Variants in CEBPE observed in about 807,000 individuals in gnomAD.
The protein encoded by CEBPE is CCAAT enhancer binding protein epsilon, also known as CCAAT/enhancer-binding protein epsilon.
CEBPE carries 10 observed loss-of-function variants against 20.4 expected under a neutral mutation model. The ratio of observed to expected loss-of-function variants is 0.49; its 90% CI spans 0.30 to 0.83. The LOEUF (loss-of-function observed/expected upper bound fraction) is 0.83. Ranked by LOEUF, CEBPE falls within the 40% of genes least tolerant of loss-of-function variation. The pLI, the probability that CEBPE is intolerant of heterozygous loss-of-function variation, is 0.06. For missense variants in CEBPE, 389 were observed against 383.3 expected, an observed-to-expected ratio of 1.01 and a Z score of -0.12; for synonymous variants, 179 against 162.6, an observed-to-expected ratio of 1.10 and a Z score of -0.77.
Position 23,118,318 on chromosome 14 carries a change from A to G in CEBPE, c.510+264T>C, listed in dbSNP as rs964437158. ...AACAAGAGGAGGGGGCATGGTGAGC[A>G]GCAGAGAGGCTGGCGGTGGGGGCCT... On this transcript the variant is annotated intron_variant, in intron 1 of 1. Coordinates refer to ENST00000206513, the MANE Select transcript of CEBPE (RefSeq NM_001805.4). The surrounding 1 kb of genome is among the most constrained non-coding windows in gnomAD (Gnocchi z 5.5). Among the ~76,000 whole-genome samples the G allele has an allele frequency of 2.0e-5, 3 of 151,932 alleles. No homozygotes were observed. Among genetic ancestry groups the G allele is most frequent in the Non-Finnish European group, 4.4e-5 (3 of 67,960 alleles).
rs200738630 is a variant in CEBPE at position 23,119,037 on chromosome 14, C to T, written c.55G>A (p.Glu19Lys). 13 of 1,612,638 alleles carry T rather than the reference C, an allele frequency of 8.1e-6. No individual in the cohort carries two copies. The highest frequency in any genetic ancestry group is 5.5e-5 in the South Asian group (5 of 91,084). The change falls in exon 1 of 2, where the codon GAG becomes AAG. Residue 19 changes from glutamate (E) to lysine (K), a missense_variant. By Grantham distance (56) the Glu-to-Lys change is moderately conservative. This residue lies in a region of CEBPE where 294 missense variants were observed against 279.7 expected (regional missense o/e 1.05). Coordinates refer to ENST00000206513, the MANE Select transcript of CEBPE (RefSeq NM_001805.4). ...CEPRGGQQPL[E>K]FSGGRAGPGE... ...GGCCCAGCTCGGCCCCCTGAGAACTCGAGTGGCTGCTGGCCACCCCGGGGC... is the reference window on the plus strand; with the variant it reads ...GGCCCAGCTCGGCCCCCTGAGAACTTGAGTGGCTGCTGGCCACCCCGGGGC...
Position 23,118,729 on chromosome 14 carries a change from C to T in CEBPE, c.363G>A (p.Lys121=). The change falls in exon 1 of 2, where the codon AAG becomes AAA. Residue 121 remains lysine (K), a synonymous_variant. Coordinates refer to ENST00000206513, the MANE Select transcript of CEBPE (RefSeq NM_001805.4). The surrounding 1 kb of genome is among the most constrained non-coding windows in gnomAD (Gnocchi z 5.5). ...GSYDPRAVAV[K]EEPRGPEGSR... is the part of the protein sequence containing the mutation. Reference sequence around the variant, plus strand: ...TGCCCTCTGGCCCCCGGGGCTCCTCCTTCACCGCCACAGCCCTGGGGTCGT... The same window carrying T: ...TGCCCTCTGGCCCCCGGGGCTCCTCTTTCACCGCCACAGCCCTGGGGTCGT... The T allele has an allele frequency of 6.2e-7, 1 of 1,613,582 alleles. No individual in the cohort carries two copies. The highest frequency in any genetic ancestry group is 8.5e-7 in the Non-Finnish European group (1 of 1,179,886).
In CEBPE at chr14:23,117,410, T is replaced by C. The variant is rs1437395597; in HGVS notation, c.*77A>G. ...ATCCATGGTCTATGTCTCAGGGTTC[T>C]AGGCCCCCAGCAGGATGGGGGTCCG... is the stretch of plus-strand genomic sequence containing the variant. On this transcript the variant is annotated 3_prime_UTR_variant, in exon 2 of 2. Coordinates refer to ENST00000206513, the MANE Select transcript of CEBPE (RefSeq NM_001805.4). 1 of 1,465,628 alleles carries C rather than the reference T, an allele frequency of 6.8e-7. No individual in the cohort carries two copies. Among genetic ancestry groups the C allele is most frequent in the Non-Finnish European group, 9.3e-7 (1 of 1,076,176 alleles). 90.8% of individuals were successfully genotyped at this position (1,465,628 alleles called of 1,614,324 possible).
Position 23,118,285 on chromosome 14 carries a change from G to C in CEBPE, c.510+297C>G, listed in dbSNP as rs1269890005. 3.3e-5 allele frequency among the ~76,000 whole-genome samples: 5 copies of C among 152,082 alleles called. No individual in the cohort carries two copies. Among genetic ancestry groups the C allele is most frequent in the Non-Finnish European group, 7.4e-5 (5 of 68,004 alleles). On this transcript the variant is annotated intron_variant, in intron 1 of 1. Transcript: ENST00000206513. The surrounding 1 kb of genome is among the most constrained non-coding windows in gnomAD (Gnocchi z 5.5). ...GTAGACATTTCTCACAGAAGCAGGC[G>C]GCAGAGAAACAAGAGGAGGGGGCAT...
Position 23,118,735 on chromosome 14 carries a change from C to G in CEBPE, c.357G>C (p.Ala119=), listed in dbSNP as rs202220573. Residue 119 remains alanine (A), a synonymous_variant, in exon 1 of 2, where the codon GCG becomes GCC. Transcript: ENST00000206513. The surrounding 1 kb of genome is among the most constrained non-coding windows in gnomAD (Gnocchi z 5.5). ...CTGGCCCCCGGGGCTCCTCCTTCAC[C>G]GCCACAGCCCTGGGGTCGTAGCTCC... is the stretch of plus-strand genomic sequence containing the variant. ...SPGSYDPRAV[A]VKEEPRGPEG... 6.2e-7 allele frequency: 1 copy of G among 1,613,378 alleles called. No homozygotes were observed. Among genetic ancestry groups the G allele is most frequent in the South Asian group, 1.1e-5 (1 of 91,036 alleles).
At position 23,118,509 on chromosome 14, in the gene CEBPE, C is replaced by T. The variant is rs556652894; in HGVS notation, c.510+73G>A. 22 of 1,511,294 alleles carry T rather than the reference C, an allele frequency of 1.5e-5. No homozygotes were observed. The highest frequency in any genetic ancestry group is 8.1e-5 in the Admixed American group (4 of 49,224). The allele number at this position is 1,511,294 out of a possible 1,614,324, so 93.6% of individuals were successfully genotyped here. A position where few individuals can be genotyped will look rare whatever the true frequency, so the allele number is the denominator to read the frequency against. On this transcript the variant is annotated intron_variant, in intron 1 of 1. Transcript: ENST00000206513. The surrounding 1 kb of genome is among the most constrained non-coding windows in gnomAD (Gnocchi z 5.5). ...CAAGCACAGGCTCAGCAGCATGAGCCGGGGCACAGGGTCCTGTCCACACCA... is the reference window on the plus strand; with the variant it reads ...CAAGCACAGGCTCAGCAGCATGAGCTGGGGCACAGGGTCCTGTCCACACCA...
chr14:23,118,495 T>G lies in CEBPE; in HGVS notation c.510+87A>C. On this transcript the variant is annotated intron_variant, in intron 1 of 1. Coordinates refer to ENST00000206513, the MANE Select transcript of CEBPE (RefSeq NM_001805.4). The surrounding 1 kb of genome is among the most constrained non-coding windows in gnomAD (Gnocchi z 5.5). Reference sequence around the variant, plus strand: ...TCACAGAGCGACACCAAGCACAGGCTCAGCAGCATGAGCCGGGGCACAGGG... The same window carrying G: ...TCACAGAGCGACACCAAGCACAGGCGCAGCAGCATGAGCCGGGGCACAGGG... 6.7e-7 allele frequency: 1 copy of G among 1,482,716 alleles called. No individual in the cohort carries two copies. The highest frequency in any genetic ancestry group is 9.0e-7 in the Non-Finnish European group (1 of 1,110,746). The allele number at this position is 1,482,716 out of a possible 1,614,324, so 91.8% of individuals were successfully genotyped here. A position where few individuals can be genotyped will look rare whatever the true frequency, so the allele number is the denominator to read the frequency against.
Position 23,119,232 on chromosome 14 carries a change from C to T in CEBPE, c.-141G>A. The T allele has an allele frequency of 1.6e-6, 1 of 638,596 alleles. No individual in the cohort carries two copies. Among genetic ancestry groups the T allele is most frequent in the Non-Finnish European group, 2.7e-6 (1 of 363,750 alleles). The allele number at this position is 638,596 out of a possible 1,614,324, so 39.6% of individuals were successfully genotyped here. The stretch of plus-strand genomic sequence containing the variant: ...CTGCCCTAGACCTGCCCTCTGCAGT[C>T]TCCTCTGTCACCCACTCCTGTGTGG... On this transcript the variant is annotated 5_prime_UTR_variant, in exon 1 of 2. Transcript: ENST00000206513.
Position 23,118,704 on chromosome 14 carries a change from T to C in CEBPE, c.388A>G (p.Ser130Gly). 1.2e-6 allele frequency: 2 copies of C among 1,613,412 alleles called. No homozygotes were observed. Among genetic ancestry groups the C allele is most frequent in the South Asian group, 2.2e-5 (2 of 91,062 alleles). ...VKEEPRGPEG[S>G]RAASRGSYNP... ...TAGCTGCCTCGGCTGGCAGCTCGGC[T>C]GCCCTCTGGCCCCCGGGGCTCCTCC... is the stretch of plus-strand genomic sequence containing the variant. Residue 130 changes from serine to glycine, a missense_variant, in exon 1 of 2, where the codon AGC becomes GGC. Transcript: ENST00000206513. This position sits in a 1 kb window ranked among gnomAD's most constrained non-coding sequence, Gnocchi z 5.5.
rs372854243 is a variant in CEBPE, at chr14:23,117,775, C to T, written c.558G>A (p.Ala186=). 2.3e-4 allele frequency: 363 copies of T among 1,611,988 alleles called. No homozygotes were observed. The highest frequency in any genetic ancestry group is 1.9e-4 in the Non-Finnish European group (224 of 1,179,416). ...TGTGTAAGGGGCCAGCCGGGGAGGG[C>T]GCCTTCAGGAGGGGACTGCAGGGGG... The part of the protein sequence containing the change: ...AAPPCSPLLK[A]PSPAGPLHKG... Residue 186 remains alanine (A), a synonymous_variant, in exon 2 of 2, where the codon GCG becomes GCA. Transcript: ENST00000206513.
rs1433326745 is a variant in CEBPE, at chr14:23,117,531, GAA to G, written c.800_801del (p.Ile267ThrfsTer2). The G allele has an allele frequency of 1.2e-6, 2 of 1,613,842 alleles. No individual in the cohort carries two copies. The highest frequency in any genetic ancestry group is 1.7e-6 in the Non-Finnish European group (2 of 1,179,996). On this transcript the variant is annotated frameshift_variant, in exon 2 of 2. Transcript: ENST00000206513. LOFTEE classifies it high-confidence loss of function. ...CCCTTGATGAGGTTGGCCGCCTCAG[GAA>G]TCTGGCGGAAGAGGTTGCGGAGGGT... Reference protein sequence around the residue: ...LDTLRNLFRQIPEAANLIKGV... With the variant: ...LDTLRNLFRQXPEAANLIKGV...
At chr14:23,117,979 C>T (rs1278446758) in intron 1 of CEBPE, among the ~76,000 whole-genome samples, 157 bp from the exon 2 acceptor site, 1 of 152,168 alleles carries the variant, frequency 6.6e-6, no homozygotes, top group Non-Finnish European at 1.5e-5. Context: ...ACTATCATCG[C>T]TCTGCTTCTG....
chr14:23,117,449 TGC>T lies in CEBPE; in HGVS notation c.*36_*37del. 1 of 1,582,146 alleles carries T rather than the reference TGC, an allele frequency of 6.3e-7. No homozygotes were observed. Among genetic ancestry groups the T allele is most frequent in the Non-Finnish European group, 8.6e-7 (1 of 1,165,506 alleles). Reference sequence around the variant, plus strand: ...GATGGGGGTCCGCAGAGTTAGGCCGTGCCAGGGAGCCTGGTGCCCACAATCCA... The same window carrying T: ...GATGGGGGTCCGCAGAGTTAGGCCGTCAGGGAGCCTGGTGCCCACAATCCA... On this transcript the variant is annotated 3_prime_UTR_variant, in exon 2 of 2. Coordinates refer to ENST00000206513, the MANE Select transcript of CEBPE (RefSeq NM_001805.4).
chr14:23,118,726 C>T lies in CEBPE; in HGVS notation c.366G>A (p.Glu122=). 6.2e-7 allele frequency: 1 copy of T among 1,612,944 alleles called. No homozygotes were observed. The highest frequency in any genetic ancestry group is 2.2e-5 in the East Asian group (1 of 44,798). Residue 122 remains glutamate (E), a synonymous_variant, in exon 1 of 2, where the codon GAG becomes GAA. Coordinates refer to ENST00000206513, the MANE Select transcript of CEBPE (RefSeq NM_001805.4). The surrounding 1 kb of genome is among the most constrained non-coding windows in gnomAD (Gnocchi z 5.5). ...SYDPRAVAVK[E]EPRGPEGSRA... ...GGCTGCCCTCTGGCCCCCGGGGCTC[C>T]TCCTTCACCGCCACAGCCCTGGGGT... is the stretch of plus-strand genomic sequence containing the variant.
rs766005459 is a variant in CEBPE, at chr14:23,117,816, A to C, written c.517T>G (p.Leu173Val). 1.2e-5 allele frequency: 20 copies of C among 1,601,072 alleles called. No individual in the cohort carries two copies. In the Admixed American group the frequency reaches 3.3e-4, roughly 27 times the overall value. Residue 173 changes from leucine to valine, a missense_variant, in exon 2 of 2, where the codon TTG becomes GTG. By Grantham distance (32) the Leu-to-Val change is conservative. Coordinates refer to ENST00000206513, the MANE Select transcript of CEBPE (RefSeq NM_001805.4). ...CTGCAGGGGGGTGCGGCAGTGGCCAAAGGGGCCTGGAGGGGAAGGCACGGA... is the reference window on the plus strand; with the variant it reads ...CTGCAGGGGGGTGCGGCAGTGGCCACAGGGGCCTGGAGGGGAAGGCACGGA... ...GQPLRVLKAP[L>V]ATAAPPCSPL...
At position 23,117,308 on chromosome 14, in the gene CEBPE, C is replaced by T. The variant is rs1187212150; in HGVS notation, c.*179G>A. 4.6e-6 allele frequency: 3 copies of T among 655,954 alleles called. No homozygotes were observed. The highest frequency in any genetic ancestry group is 5.4e-6 in the Non-Finnish European group (2 of 370,854). 40.6% of individuals were successfully genotyped at this position (655,954 alleles called of 1,614,324 possible). ...ACACACAGCCAACAGTCCCAACACC[C>T]AGTCACAGTGCAACTTTATTCAGCC... On this transcript the variant is annotated 3_prime_UTR_variant, in exon 2 of 2. Transcript: ENST00000206513.
chr14:23,117,346 T>C lies in CEBPE; in HGVS notation c.*141A>G. ...ACTTTATTCAGCCATATAATCATTA[T>C]GCTGGGTCCTGCCCTCTTTGCCACC... is the stretch of plus-strand genomic sequence containing the variant. On this transcript the variant is annotated 3_prime_UTR_variant, in exon 2 of 2. Transcript: ENST00000206513. 3.8e-6 allele frequency: 3 copies of C among 788,360 alleles called. No individual in the cohort carries two copies. Among genetic ancestry groups the C allele is most frequent in the Non-Finnish European group, 6.3e-6 (3 of 478,232 alleles). 48.8% of individuals were successfully genotyped at this position (788,360 alleles called of 1,614,324 possible).
At position 23,117,787 on chromosome 14, in the gene CEBPE, G is replaced by A. The variant is rs760523803; in HGVS notation, c.546C>T (p.Pro182=). ...CAGCCGGGGAGGGCGCCTTCAGGAG[G>A]GGACTGCAGGGGGGTGCGGCAGTGG... is the stretch of plus-strand genomic sequence containing the variant. ...PLATAAPPCS[P]LLKAPSPAGP... The change falls in exon 2 of 2, where the codon CCC becomes CCT. Residue 182 remains proline, a synonymous_variant. Coordinates refer to ENST00000206513, the MANE Select transcript of CEBPE (RefSeq NM_001805.4). The A allele has an allele frequency of 3.1e-6, 5 of 1,609,966 alleles. No homozygotes were observed. The highest frequency in any genetic ancestry group is 4.2e-6 in the Non-Finnish European group (5 of 1,178,292).
chr14:23,117,502 C>A lies in CEBPE; in HGVS notation c.831G>T (p.Val277=), dbSNP rs2048513959. The A allele has an allele frequency of 1.2e-6, 2 of 1,612,634 alleles. No homozygotes were observed. Among genetic ancestry groups the A allele is most frequent in the South Asian group, 1.1e-5 (1 of 90,898 alleles). ...CCAGCCAGCCTCAGCTGCAACCCCCCACGCCCTTGATGAGGTTGGCCGCCT... is the reference window on the plus strand; with the variant it reads ...CCAGCCAGCCTCAGCTGCAACCCCCAACGCCCTTGATGAGGTTGGCCGCCT... ...IPEAANLIKG[V]GGCS is the part of the protein sequence containing the mutation. The change falls in exon 2 of 2, where the codon GTG becomes GTT. Residue 277 remains valine, a synonymous_variant. Coordinates refer to ENST00000206513, the MANE Select transcript of CEBPE (RefSeq NM_001805.4).
Sources: allele counts gnomAD v4.1 joint callset (sites outside exome capture counted in the v4.1 genomes callset), GRCh38; gene constraint gnomAD v4.1.1; regional missense constraint gnomAD v4.1.1; non-coding constraint Gnocchi (gnomAD v3.1); transcripts MANE v1.5; gene names NCBI Gene and HGNC (gene_info 2026-07-23, HGNC 2026-07-21).